EEIG2: variants seen among roughly 807,000 people sequenced by gnomAD.
EEIG2 encodes the protein family with sequence similarity 102 member B.
chr1:108,583,694 A>G, the EEIG2 span, among the ~76,000 whole-genome samples: 11 of 152,238 alleles, frequency 7.2e-5, no homozygotes, highest in South Asian at 2.1e-4. Flanking sequence ...AAGTGGCTGA[A>G]AGTTTAAGTC....
chr1:108,628,796 G>T, the EEIG2 span: 14 of 1,611,556 alleles, frequency 8.7e-6, no homozygotes, highest in South Asian at 1.1e-5. Flanking sequence ...CTAGATTCCA[G>T]TGCGGAAGGT....
chr1:108,581,959 C>G, the EEIG2 span, among the ~76,000 whole-genome samples: 1 of 152,060 alleles, frequency 6.6e-6, no homozygotes, highest in Non-Finnish European at 1.5e-5. Flanking sequence ...TCTATTGATG[C>G]AGCAAATTTC....
the EEIG2 span, among the ~76,000 whole-genome samples, chr1:108,601,718 A>G: frequency 6.6e-6 from 1 of 152,238 alleles, no homozygotes; most frequent in African/African-American, 2.4e-5. Context: ...CAGAATAAAC[A>G]CTTGGCAAAA....
At chr1:108,561,412 T>C in the EEIG2 span, among the ~76,000 whole-genome samples, 3 of 152,212 alleles carry the variant, frequency 2.0e-5, no homozygotes, top group Non-Finnish European at 2.9e-5. Context: ...AATGAACTTT[T>C]GAGTTCCTGA....
At chr1:108,588,544 T>G in the EEIG2 span, among the ~76,000 whole-genome samples, 1 of 152,180 alleles carries the variant, frequency 6.6e-6, no homozygotes, top group Non-Finnish European at 1.5e-5. Flanking sequence ...TGTATAAGTT[T>G]ATGGTATAAA....
chr1:108,614,265 T>G, the EEIG2 span, among the ~76,000 whole-genome samples: 7 of 151,352 alleles, frequency 4.6e-5, no homozygotes, highest in Non-Finnish European at 7.4e-5. Context: ...CCCTGCATTG[T>G]CTGAATAATC....
the EEIG2 span, among the ~76,000 whole-genome samples, chr1:108,593,761 C>A: frequency 6.6e-6 from 1 of 152,056 alleles, no homozygotes; most frequent in African/African-American, 2.4e-5. Flanking sequence ...ATATATGAAT[C>A]TGAGGACTAA....
the EEIG2 span, among the ~76,000 whole-genome samples, chr1:108,613,117 G>T: frequency 6.6e-6 from 1 of 152,244 alleles, no homozygotes; most frequent in African/African-American, 2.4e-5. Flanking sequence ...CAGCTGGAAA[G>T]AAAGGTGGGA....
the EEIG2 span, among the ~76,000 whole-genome samples, chr1:108,631,356 A>G: frequency 6.6e-6 from 1 of 152,250 alleles, no homozygotes; most frequent in Admixed American, 6.5e-5. Flanking sequence ...TTGATGCTAC[A>G]GTAGCAGAGC....
the EEIG2 span, among the ~76,000 whole-genome samples, chr1:108,587,597 A>G: frequency 6.6e-6 from 1 of 152,130 alleles, no homozygotes; most frequent in Non-Finnish European, 1.5e-5. Context: ...ACCCCTGGCA[A>G]TCACTGATTC....
At chr1:108,632,141 A>T in the EEIG2 span, among the ~76,000 whole-genome samples, 11 of 149,616 alleles carry the variant, frequency 7.4e-5, no homozygotes, top group African/African-American at 2.5e-4. Flanking sequence ...AAAAAAGAAG[A>T]AGAAGAAGAA....
At chr1:108,567,354 T>G in the EEIG2 span, among the ~76,000 whole-genome samples, 1 of 152,176 alleles carries the variant, frequency 6.6e-6, no homozygotes, top group African/African-American at 2.4e-5. Flanking sequence ...ATTACGTCAT[T>G]ACCATTATTA....
At chr1:108,612,235 C>T in the EEIG2 span, 58 of 1,613,658 alleles carry the variant, frequency 3.6e-5, no homozygotes, top group Non-Finnish European at 4.7e-5. Context: ...TACCACTCGC[C>T]GCTGTTTACT....
At chr1:108,611,596 T>C in the EEIG2 span, among the ~76,000 whole-genome samples, 1 of 152,156 alleles carries the variant, frequency 6.6e-6, no homozygotes, top group Non-Finnish European at 1.5e-5. Context: ...GCAAGGCAAA[T>C]GTGGAAGGTA....
At chr1:108,637,145 T>A in the EEIG2 span, 39 of 152,306 alleles carry the variant, frequency 2.6e-4, no homozygotes, top group African/African-American at 7.5e-4. Flanking sequence ...TGGTACAGAA[T>A]TCTTTTTAAA....
the EEIG2 span, among the ~76,000 whole-genome samples, chr1:108,564,791 C>T: frequency 6.6e-6 from 1 of 151,340 alleles, no homozygotes; most frequent in Admixed American, 6.6e-5. Context: ...AAAAACATAC[C>T]AAAAAATTAG....
chr1:108,632,930 C>T, the EEIG2 span, among the ~76,000 whole-genome samples: 1 of 150,602 alleles, frequency 6.6e-6, no homozygotes, highest in East Asian at 2.0e-4. Context: ...TACAGGCATG[C>T]ACCACCATGC....
At chr1:108,598,334 C>CAAAAAAA in the EEIG2 span, among the ~76,000 whole-genome samples, 1 of 91,884 alleles carries the variant, frequency 1.1e-5, no homozygotes, top group Non-Finnish European at 2.2e-5. Flanking sequence ...ACCCTGTATC[C>CAAAAAAA]AAAAAAAAAA....
the EEIG2 span, chr1:108,629,904 A>C: frequency 2.1e-6 from 1 of 479,028 alleles, no homozygotes; most frequent in South Asian, 2.1e-5. Flanking sequence ...GGTATTAGTC[A>C]AGGACCAGTA....
Sources: allele counts gnomAD v4.1 joint callset (sites outside exome capture counted in the v4.1 genomes callset), GRCh38; gene constraint gnomAD v4.1.1; transcripts MANE v1.5; gene names NCBI Gene and HGNC (gene_info 2026-07-23, HGNC 2026-07-21).